The following DLGAP1 variants were observed in gnomAD, a reference collection of about 807,000 sequenced individuals.
DLGAP1 encodes disks large-associated protein 1.
DLGAP1 carries 11 observed loss-of-function variants against 90.8 expected under a neutral mutation model. That is an observed-to-expected ratio of 0.12 (90% CI 0.08 to 0.20). DLGAP1 has a LOEUF of 0.20. Ranked by LOEUF, DLGAP1 falls within the 10% of genes least tolerant of loss-of-function variation. The pLI is 1.00. For synonymous variants in DLGAP1, 558 were observed against 540.7 expected, an observed-to-expected ratio of 1.03 and a Z score of -0.44; for missense variants, 1,050 against 1,333.8, an observed-to-expected ratio of 0.79 and a Z score of 3.31.
rs9951668 is a variant in DLGAP1, at chr18:4,217,791, T to C, written c.-266-66504A>G. Among the ~76,000 whole-genome samples, 1,477 of 152,246 alleles carry C rather than the reference T, an allele frequency of 9.7e-3. 27 individuals carry two copies. The highest frequency in any genetic ancestry group is 0.033 in the African/African-American group (1,371 of 41,560). On this transcript the variant is annotated intron_variant, in intron 1 of 12. Coordinates refer to ENST00000315677, the MANE Select transcript of DLGAP1 (RefSeq NM_004746.4). The stretch of plus-strand genomic sequence containing the variant: ...CCAAACACATATTCTGCAAATATTT[T>C]CTCCCTGTCTGTGGCTTGTCTTTCT...
intron 4 of DLGAP1, among the ~76,000 whole-genome samples, chr18:3,819,214 G>A (rs2067267878): frequency 2.6e-5 from 4 of 152,030 alleles, no homozygotes; most frequent in Admixed American, 2.6e-4. Context: ...GGAGGCTGAA[G>A]CAGGAGAATC....
intron 5 of DLGAP1, among the ~76,000 whole-genome samples, chr18:3,810,567 A>G (rs2066781974): frequency 6.6e-6 from 1 of 152,184 alleles, no homozygotes; most frequent in Admixed American, 6.5e-5. Flanking sequence ...ATGTCAAAGA[A>G]GTAGGAACAT....
intron 1 of DLGAP1, among the ~76,000 whole-genome samples, chr18:4,164,767 G>T (rs2076905562): frequency 6.6e-6 from 1 of 151,996 alleles, no homozygotes; most frequent in African/African-American, 2.4e-5. Context: ...AAAAAATAGA[G>T]AATTTCAGCA....
Position 4,372,966 on chromosome 18 carries a change from A to G in DLGAP1, c.-267+82040T>C, listed in dbSNP as rs181227902. On this transcript the variant is annotated intron_variant, in intron 1 of 12. Transcript: ENST00000315677. ...AAGAAAAAAAGAAAAGGTACAGATC[A>G]AAGACAAAACAAACAAAATAAAGGA... Among the ~76,000 whole-genome samples, 367 of 152,188 alleles carry G rather than the reference A, an allele frequency of 2.4e-3. 5 individuals are homozygous for G. The highest frequency in any genetic ancestry group is 5.8e-3 in the South Asian group (28 of 4,826).
intron 1 of DLGAP1, among the ~76,000 whole-genome samples, chr18:4,169,346 A>G (rs1303335919): frequency 6.6e-6 from 1 of 152,218 alleles, no homozygotes; most frequent in Non-Finnish European, 1.5e-5. Flanking sequence ...AATGAGGATA[A>G]TAATTTTTGA....
intron 10 of DLGAP1, among the ~76,000 whole-genome samples, chr18:3,525,903 G>A (rs932715621): frequency 7.9e-5 from 12 of 152,130 alleles, no homozygotes; most frequent in Non-Finnish European, 1.8e-4. Context: ...CCTGAGCTGG[G>A]AGACACCACC....
chr18:3,794,025 G>T (rs767986416), intron 5 of DLGAP1, among the ~76,000 whole-genome samples: 2 of 152,182 alleles, frequency 1.3e-5, no homozygotes, highest in Non-Finnish European at 2.9e-5. Context: ...CCAGCACAGT[G>T]CCTGGTACAC....
intron 1 of DLGAP1, among the ~76,000 whole-genome samples, chr18:4,310,926 C>G (rs905293935): frequency 6.6e-6 from 1 of 152,152 alleles, no homozygotes; most frequent in Non-Finnish European, 1.5e-5. Flanking sequence ...TTACAGAACA[C>G]CGTAGGTGCC....
At chr18:4,305,374 A>G (rs1475684541) in intron 1 of DLGAP1, among the ~76,000 whole-genome samples, 4 of 152,024 alleles carry the variant, frequency 2.6e-5, no homozygotes, top group African/African-American at 9.7e-5. Flanking sequence ...GTCTCTACTA[A>G]AAATACAAAA....
intron 5 of DLGAP1, among the ~76,000 whole-genome samples, chr18:3,759,080 CA>C (rs2063839820): frequency 1.4e-5 from 2 of 146,016 alleles, no homozygotes; most frequent in Non-Finnish European, 3.0e-5. Flanking sequence ...AAAGGTTTGA[CA>C]CGGGGCATAA....
chr18:4,381,278 A>T (rs1055831522), intron 1 of DLGAP1, among the ~76,000 whole-genome samples: 6 of 152,186 alleles, frequency 3.9e-5, no homozygotes, highest in Non-Finnish European at 8.8e-5. Context: ...AGACAAATAG[A>T]TAGACATAAA....
At chr18:4,207,381 A>G (rs2077742993) in intron 1 of DLGAP1, among the ~76,000 whole-genome samples, 6 of 152,164 alleles carry the variant, frequency 3.9e-5, no homozygotes, top group Admixed American at 3.9e-4. Context: ...CCATGATTCA[A>G]TTATCTCCAC....
intron 3 of DLGAP1, among the ~76,000 whole-genome samples, chr18:3,993,527 G>A (rs950549890): frequency 6.6e-6 from 1 of 152,136 alleles, no homozygotes; most frequent in South Asian, 2.1e-4. Context: ...GGGAGGGGGT[G>A]AGGGTGGGGC....
intron 4 of DLGAP1, among the ~76,000 whole-genome samples, chr18:3,851,971 T>C (rs1444619865): frequency 6.6e-6 from 1 of 151,400 alleles, no homozygotes; most frequent in Admixed American, 6.6e-5. Context: ...ACATAAAAGA[T>C]AAAAAGTGAA....
At chr18:3,709,411 A>G (rs578208609) in intron 7 of DLGAP1, among the ~76,000 whole-genome samples, 8 of 152,304 alleles carry the variant, frequency 5.3e-5, no homozygotes, top group African/African-American at 1.9e-4. Context: ...TTGATCTGAT[A>G]AGCTTTGTTC....
chr18:4,289,681 A>G (rs1162192162), intron 1 of DLGAP1, among the ~76,000 whole-genome samples: 1 of 152,182 alleles, frequency 6.6e-6, no homozygotes, highest in African/African-American at 2.4e-5. Flanking sequence ...CAAAAACTTA[A>G]TTAGAAAGCA....
At chr18:3,621,669 C>A (rs539891790) in intron 7 of DLGAP1, among the ~76,000 whole-genome samples, 17 of 152,342 alleles carry the variant, frequency 1.1e-4, no homozygotes, top group African/African-American at 4.1e-4. Context: ...TCTTCCACTG[C>A]GTGGCTGCAC....
At chr18:3,746,784 T>C (rs2063287019) in intron 5 of DLGAP1, among the ~76,000 whole-genome samples, 1 of 152,208 alleles carries the variant, frequency 6.6e-6, no homozygotes, top group South Asian at 2.1e-4. Flanking sequence ...CATTTACACA[T>C]TACATTCATG....
intron 4 of DLGAP1, among the ~76,000 whole-genome samples, chr18:3,823,064 T>C (rs574335649): frequency 6.6e-6 from 1 of 152,376 alleles, no homozygotes; most frequent in Admixed American, 6.5e-5. Flanking sequence ...TGAATACGTA[T>C]AGGTTTAGCT....
Sources: gnomAD v4.1 joint callset for allele counts (sites outside exome capture counted in the v4.1 genomes callset) on GRCh38, gnomAD v4.1.1 for gene constraint, MANE v1.5 for transcripts, NCBI Gene and HGNC (gene_info 2026-07-23, HGNC 2026-07-21) for gene names.